TRA2B: variants seen among roughly 807,000 people sequenced by gnomAD.
TRA2B encodes transformer 2 beta homolog.
Under a neutral mutation model 41.7 loss-of-function variants are expected in TRA2B, and 14 were observed. The ratio of observed to expected loss-of-function variants is 0.34; its 90% CI spans 0.22 to 0.53. The LOEUF (loss-of-function observed/expected upper bound fraction) is 0.53, where lower values mean the gene tolerates loss of function less well. Ranked by LOEUF, TRA2B falls within the 20% of genes least tolerant of loss-of-function variation. TRA2B has a pLI of 0.95. For missense variants in TRA2B, 167 were observed against 396.8 expected, an observed-to-expected ratio of 0.42 and a Z score of 4.92; for synonymous variants, 130 against 128.8, an observed-to-expected ratio of 1.01 and a Z score of -0.06.
chr3:185,928,347 T>C (rs1744029207), intron 1 of TRA2B: 1 of 152,140 alleles, frequency 6.6e-6, no homozygotes, highest in Non-Finnish European at 1.5e-5. Flanking sequence ...TAAAACATGG[T>C]GGGGTGACAT....
At position 185,923,748 on chromosome 3, in the gene TRA2B, C is replaced by T. The variant is rs76614083; in HGVS notation, c.522+48G>A. 4.4e-5 allele frequency: 66 copies of T among 1,506,002 alleles called. No homozygotes were observed. The African/African-American group carries it at 8.5e-4, about 20-fold the overall frequency. The allele number at this position is 1,506,002 out of a possible 1,614,324, so 93.3% of individuals were successfully genotyped here. ...TAGCAATTGGTCACTGATAACTTGG[C>T]GTTAACAATAGAACTGATGGTTTAC... On this transcript the variant is annotated intron_variant, in intron 4 of 8. Coordinates refer to ENST00000453386, the MANE Select transcript of TRA2B (RefSeq NM_004593.3).
chr3:185,921,717 T>G (rs545572316), intron 5 of TRA2B, among the ~76,000 whole-genome samples: 2 of 152,076 alleles, frequency 1.3e-5, no homozygotes, highest in African/African-American at 4.8e-5. Flanking sequence ...TGAACTGAGA[T>G]TGCACCATCG....
At position 185,917,635 on chromosome 3, in the gene TRA2B, T is replaced by A; in HGVS notation, c.*80A>T. 1 of 1,533,098 alleles carries A rather than the reference T, an allele frequency of 6.5e-7. No homozygotes were observed. Among genetic ancestry groups the A allele is most frequent in the African/African-American group, 1.4e-5 (1 of 72,686 alleles). 95.0% of individuals were successfully genotyped at this position (1,533,098 alleles called of 1,614,324 possible). ...CTAACTTCACTAGGCACTGTTCACTTTTTAAACAAGAGACAATAAAAAATA... is the reference window on the plus strand; with the variant it reads ...CTAACTTCACTAGGCACTGTTCACTATTTAAACAAGAGACAATAAAAAATA... On this transcript the variant is annotated 3_prime_UTR_variant, in exon 9 of 9. Coordinates refer to ENST00000453386, the MANE Select transcript of TRA2B (RefSeq NM_004593.3).
intron 1 of TRA2B, chr3:185,934,348 C>T (rs1401325664): frequency 1.0e-6 from 1 of 985,246 alleles, no homozygotes; most frequent in South Asian, 4.7e-5. Context: ...GGAAAAAACG[C>T]TATGTAAGGC....
rs1020908736 is a variant in TRA2B at position 185,937,933 on chromosome 3, G to A, written c.-73C>T. 92 of 1,584,640 alleles carry A rather than the reference G, an allele frequency of 5.8e-5. No homozygotes were observed. The African/African-American group carries it at 1.2e-3, about 20-fold the overall frequency. On this transcript the variant is annotated 5_prime_UTR_variant, in exon 1 of 9. Coordinates refer to ENST00000453386, the MANE Select transcript of TRA2B (RefSeq NM_004593.3). Reference sequence around the variant, plus strand: ...AACCTCTTGCACCTTCCTTAAGGAGGCTCCGCCGCAGCCCCGCACGACGCG... The same window carrying A: ...AACCTCTTGCACCTTCCTTAAGGAGACTCCGCCGCAGCCCCGCACGACGCG...
At chr3:185,930,905 A>C (rs556445276) in intron 1 of TRA2B, among the ~76,000 whole-genome samples, 1 of 152,332 alleles carries the variant, frequency 6.6e-6, no homozygotes, top group African/African-American at 2.4e-5. Flanking sequence ...ACCTCTTCTA[A>C]GGGGAAGCTA....
At chr3:185,927,854 C>G (rs369156600) in intron 1 of TRA2B, 1 of 152,202 alleles carries the variant, frequency 6.6e-6, no homozygotes, top group Admixed American at 6.5e-5. Flanking sequence ...CCTAGTCAGT[C>G]TGATAGCTAG....
At chr3:185,917,908 A>G (rs1743563146) in intron 8 of TRA2B, among the ~76,000 whole-genome samples, 183 bp from the exon 9 acceptor site, 1 of 152,214 alleles carries the variant, frequency 6.6e-6, no homozygotes, top group African/African-American at 2.4e-5. Context: ...GCAATCTTAA[A>G]TAACAGAAAT....
intron 1 of TRA2B, among the ~76,000 whole-genome samples, 170 bp downstream of exon 1, chr3:185,937,655 A>C (rs1391148089): frequency 6.6e-6 from 1 of 152,210 alleles, no homozygotes; most frequent in Non-Finnish European, 1.5e-5. Flanking sequence ...GCACTAAGGC[A>C]CTATCCACAA....
At position 185,915,613 on chromosome 3, in the gene TRA2B, A is replaced by G. The variant is rs1041944539; in HGVS notation, c.*2102T>C. ...TTTCCTCAGTCTTTTGCCTGTTAACACTCTTTGTAGCCATGTCAAATGGCT... is the reference window on the plus strand; with the variant it reads ...TTTCCTCAGTCTTTTGCCTGTTAACGCTCTTTGTAGCCATGTCAAATGGCT... On this transcript the variant is annotated 3_prime_UTR_variant, in exon 9 of 9. Coordinates refer to ENST00000453386, the MANE Select transcript of TRA2B (RefSeq NM_004593.3). Among the ~76,000 whole-genome samples, 3 of 152,052 alleles carry G rather than the reference A, an allele frequency of 2.0e-5. No individual in the cohort carries two copies. Among genetic ancestry groups the G allele is most frequent in the African/African-American group, 7.2e-5 (3 of 41,386 alleles).
chr3:185,935,618 C>A, intron 1 of TRA2B: 5 of 985,358 alleles, frequency 5.1e-6, no homozygotes, highest in Non-Finnish European at 6.0e-6. Context: ...ACATTAAGAC[C>A]CAGTTCAGAA....
chr3:185,937,479 G>A (rs1744409885), intron 1 of TRA2B: 1 of 1,071,050 alleles, frequency 9.3e-7, no homozygotes, highest in East Asian at 6.2e-5. Context: ...GGCTGCGGCG[G>A]ACCTTCGCAG....
chr3:185,918,470 C>CAAT, intron 7 of TRA2B, 32 bp from the exon 8 acceptor site: 1 of 1,444,866 alleles, frequency 6.9e-7, no homozygotes, highest in Non-Finnish European at 9.7e-7. Context: ...GTCTAAGTCT[C>CAAT]AATAGATCAC....
intron 1 of TRA2B, chr3:185,928,323 C>T (rs1368388343): frequency 6.6e-6 from 1 of 152,178 alleles, no homozygotes; most frequent in Non-Finnish European, 1.5e-5. Flanking sequence ...GTTCAAATGA[C>T]TTCAAAGCCA....
chr3:185,929,203 T>C (rs1226191709), intron 1 of TRA2B: 2 of 152,220 alleles, frequency 1.3e-5, no homozygotes, highest in Non-Finnish European at 2.9e-5. Context: ...AAGTTAAAGC[T>C]TTCTGAAGTT....
intron 5 of TRA2B, 48 bp downstream of exon 5, chr3:185,921,963 T>C: frequency 7.0e-7 from 1 of 1,426,104 alleles, no homozygotes. Flanking sequence ...AGTGTTTCTT[T>C]GACAAGTGAA....
In TRA2B at chr3:185,926,635, A is replaced by G; in HGVS notation, c.136T>C (p.Ser46Pro). The G allele has an allele frequency of 6.2e-7, 1 of 1,614,134 alleles. No individual in the cohort carries two copies. The highest frequency in any genetic ancestry group is 1.1e-5 in the South Asian group (1 of 91,088). The change falls in exon 2 of 9, where the codon TCC becomes CCC. Residue 46 changes from serine to proline, a missense_variant. By Grantham distance (74) the Ser-to-Pro change is moderately conservative (BLOSUM62 -1). This residue lies in a region of TRA2B where 94 missense variants were observed against 133.4 expected (regional missense o/e 0.70). Transcript: ENST00000453386. ...GATCGGGACCTGGACTTTGATCTGGAACGCCTGGAATCTTCCTTGGAGCGA... is the reference window on the plus strand; with the variant it reads ...GATCGGGACCTGGACTTTGATCTGGGACGCCTGGAATCTTCCTTGGAGCGA... ...RSRSKEDSRR[S>P]RSKSRSRSES...
chr3:185,937,379 G>A (rs1284758799), intron 1 of TRA2B: 1 of 999,394 alleles, frequency 1.0e-6, no homozygotes, highest in Admixed American at 5.9e-5. Context: ...CTTACGAAGC[G>A]CGGCCCGCTG....
intron 3 of TRA2B, 153 bp downstream of exon 3, chr3:185,925,311 T>C (rs767345811): frequency 2.3e-6 from 2 of 857,648 alleles, no homozygotes; most frequent in Non-Finnish European, 1.7e-6. Context: ...TCATGGAAGA[T>C]TAACTTAAAA....
Sources: gnomAD v4.1 joint callset for allele counts (sites outside exome capture counted in the v4.1 genomes callset) on GRCh38, gnomAD v4.1.1 for gene constraint, gnomAD v4.1.1 regional missense constraint, MANE v1.5 for transcripts, NCBI Gene and HGNC (gene_info 2026-07-23, HGNC 2026-07-21) for gene names.